Variants in EXOC6B observed in about 807,000 individuals in gnomAD.
EXOC6B encodes the protein SEC15 homolog B.
EXOC6B carries 54 observed loss-of-function variants against 113.5 expected under a neutral mutation model. The ratio of observed to expected loss-of-function variants is 0.48; its 90% CI spans 0.38 to 0.60. EXOC6B has a LOEUF of 0.60. Among genes scored for constraint, EXOC6B ranks in the 20% least tolerant of loss-of-function variants. EXOC6B has a pLI of 0.00. For missense variants in EXOC6B, 797 were observed against 977.5 expected, an observed-to-expected ratio of 0.82 and a Z score of 2.46; for synonymous variants, 357 against 339.0, an observed-to-expected ratio of 1.05 and a Z score of -0.58.
intron 20 of EXOC6B, among the ~76,000 whole-genome samples, chr2:72,251,930 AC>A (rs1683043765): frequency 6.6e-6 from 1 of 152,096 alleles, no homozygotes; most frequent in Admixed American, 6.6e-5. Context: ...TTGCAACTGA[AC>A]CCATATTTCC....
At chr2:72,560,672 T>C (rs1003431617) in intron 7 of EXOC6B, among the ~76,000 whole-genome samples, 4 of 152,114 alleles carry the variant, frequency 2.6e-5, no homozygotes, top group African/African-American at 9.7e-5. Flanking sequence ...ACTTATTGAC[T>C]ATTCTGTTCA....
intron 16 of EXOC6B, among the ~76,000 whole-genome samples, chr2:72,488,576 A>T (rs564836314): frequency 6.6e-6 from 1 of 152,126 alleles, no homozygotes; most frequent in Non-Finnish European, 1.5e-5. Flanking sequence ...AATTTTTCCT[A>T]TCTTAGTTCA....
chr2:72,458,974 C>T (rs1238215208), intron 18 of EXOC6B, among the ~76,000 whole-genome samples: 1 of 152,022 alleles, frequency 6.6e-6, no homozygotes, highest in African/African-American at 2.4e-5. Context: ...CCACATACCC[C>T]CAGCATTATA....
chr2:72,497,919 G>C (rs1436579432), intron 13 of EXOC6B, among the ~76,000 whole-genome samples: 1 of 152,198 alleles, frequency 6.6e-6, no homozygotes, highest in East Asian at 1.9e-4. Context: ...ATTATTGTAT[G>C]CATGTTGCAA....
chr2:72,247,224 T>C (rs1682722446), intron 20 of EXOC6B, among the ~76,000 whole-genome samples: 1 of 152,248 alleles, frequency 6.6e-6, no homozygotes, highest in Non-Finnish European at 1.5e-5. Flanking sequence ...ATTTGATCTA[T>C]TTTATTCCCA....
chr2:72,369,116 C>A (rs1375758766), intron 19 of EXOC6B, among the ~76,000 whole-genome samples: 2 of 152,266 alleles, frequency 1.3e-5, no homozygotes, highest in East Asian at 3.9e-4. Flanking sequence ...CTAGAAAACC[C>A]CACTGTCTCA....
At chr2:72,330,432 T>C (rs1371229690) in intron 20 of EXOC6B, among the ~76,000 whole-genome samples, 2 of 152,102 alleles carry the variant, frequency 1.3e-5, no homozygotes, top group Non-Finnish European at 2.9e-5. Flanking sequence ...ATCAGCCTAA[T>C]ACTTAAAAGA....
intron 6 of EXOC6B, among the ~76,000 whole-genome samples, chr2:72,617,841 C>T (rs926835108): frequency 5.3e-5 from 8 of 152,034 alleles, no homozygotes; most frequent in African/African-American, 1.9e-4. Flanking sequence ...CTAATCTTTG[C>T]TACAGACTCT....
intron 18 of EXOC6B, among the ~76,000 whole-genome samples, chr2:72,458,500 G>C (rs1697392598): frequency 6.6e-6 from 1 of 152,078 alleles, no homozygotes; most frequent in Non-Finnish European, 1.5e-5. Flanking sequence ...AGACAAGACA[G>C]AAATATGGCA....
At chr2:72,558,838 C>T (rs1188880592) in intron 8 of EXOC6B, among the ~76,000 whole-genome samples, 1 of 151,860 alleles carries the variant, frequency 6.6e-6, no homozygotes, top group African/African-American at 2.4e-5. Flanking sequence ...ATAAGACATA[C>T]TTGAACATAT....
chr2:72,254,794 T>A (rs1264370523), intron 20 of EXOC6B, among the ~76,000 whole-genome samples: 1 of 152,190 alleles, frequency 6.6e-6, no homozygotes, highest in African/African-American at 2.4e-5. Context: ...CTGAATTATG[T>A]ACAGTTGAGT....
intron 1 of EXOC6B, among the ~76,000 whole-genome samples, chr2:72,817,864 C>A (rs1267502350): frequency 6.6e-6 from 1 of 152,196 alleles, no homozygotes; most frequent in Non-Finnish European, 1.5e-5. Context: ...CATGCCATAA[C>A]CATCTCTTGC....
chr2:72,251,429 G>A (rs1485530031), intron 20 of EXOC6B, among the ~76,000 whole-genome samples: 1 of 152,138 alleles, frequency 6.6e-6, no homozygotes, highest in Non-Finnish European at 1.5e-5. Context: ...AGGTCTCCAG[G>A]GGTAGGAATA....
intron 1 of EXOC6B, among the ~76,000 whole-genome samples, chr2:72,763,470 CA>C (rs1558982427): frequency 6.6e-6 from 1 of 151,508 alleles, no homozygotes; most frequent in East Asian, 1.9e-4. Context: ...CTCTGGCACC[CA>C]GGCTGGAGTG....
chr2:72,686,921 G>C (rs908651450), intron 6 of EXOC6B, among the ~76,000 whole-genome samples: 2 of 152,022 alleles, frequency 1.3e-5, no homozygotes, highest in African/African-American at 4.8e-5. Context: ...GGCAGATCAC[G>C]AGGTCAGGAG....
At chr2:72,246,251 T>A (rs555947598) in intron 20 of EXOC6B, among the ~76,000 whole-genome samples, 2 of 152,240 alleles carry the variant, frequency 1.3e-5, no homozygotes, top group East Asian at 3.9e-4. Context: ...TGTCCCCAAC[T>A]CTTACAGATA....
At chr2:72,489,106 G>T (rs1190301006) in intron 16 of EXOC6B, among the ~76,000 whole-genome samples, 5 of 152,060 alleles carry the variant, frequency 3.3e-5, no homozygotes, top group African/African-American at 7.2e-5. Flanking sequence ...TACCCTCGAG[G>T]TGCTGCTATA....
chr2:72,549,599 G>A lies in EXOC6B; in HGVS notation c.915+9854C>T, dbSNP rs528814988. Among the ~76,000 whole-genome samples, 7 of 152,208 alleles carry A rather than the reference G, an allele frequency of 4.6e-5. No homozygotes were observed. The South Asian group carries it at 1.5e-3, about 32-fold the overall frequency. On this transcript the variant is annotated intron_variant, in intron 8 of 21. Transcript: ENST00000272427. ...ATAATGCCTTCATTTTAAAACACAG[G>A]GAGATACAGAGTTTATGCTGCCTGT...
intron 6 of EXOC6B, among the ~76,000 whole-genome samples, chr2:72,611,669 A>C (rs577949039): frequency 6.6e-6 from 1 of 152,266 alleles, no homozygotes; most frequent in African/African-American, 2.4e-5. Context: ...TTTTCTGTGA[A>C]TCTAAAATTT....
Sources: gnomAD v4.1 joint callset for allele counts (sites outside exome capture counted in the v4.1 genomes callset) on GRCh38, gnomAD v4.1.1 for gene constraint, MANE v1.5 for transcripts, NCBI Gene and HGNC (gene_info 2026-07-23, HGNC 2026-07-21) for gene names.